Variants in FBXO17 observed in about 807,000 individuals in gnomAD.
The protein encoded by FBXO17 is F-box protein 17, also known as F-box only protein 17.
FBXO17 carries 43 observed loss-of-function variants against 34.1 expected under a neutral mutation model. That is an observed-to-expected ratio of 1.26 (90% CI 0.99 to 1.62). The LOEUF (loss-of-function observed/expected upper bound fraction) is 1.62. Ranked by LOEUF, FBXO17 falls within the 40% of genes most tolerant of loss-of-function variation. The probability of loss-of-function intolerance (pLI) is 0.00; values close to 1 mark genes in which losing one functional copy is unlikely to be tolerated. For missense variants in FBXO17, 424 were observed against 386.7 expected (o/e 1.10, Z -0.81); for synonymous variants, 169 against 166.0 (o/e 1.02, Z -0.14).
intron 5 of FBXO17, among the ~76,000 whole-genome samples, chr19:38,943,606 T>A (rs1413942078): frequency 6.6e-6 from 1 of 151,826 alleles, no homozygotes; most frequent in East Asian, 1.9e-4. Flanking sequence ...TTTATTTATT[T>A]TGAGGCCAAG....
chr19:38,946,711 T>A lies in FBXO17; in HGVS notation c.462-144A>T, dbSNP rs773970045. The A allele has an allele frequency of 4.3e-6, 5 of 1,158,292 alleles. No homozygotes were observed. In the Admixed American group the frequency reaches 1.2e-4, roughly 28 times the overall value. The allele number at this position is 1,158,292 out of a possible 1,614,324, so 71.8% of individuals were successfully genotyped here. On this transcript the variant is annotated intron_variant, in intron 3 of 5. Coordinates refer to ENST00000292852, the MANE Select transcript of FBXO17 (RefSeq NM_024907.7). The stretch of plus-strand genomic sequence containing the variant: ...TTGCTCTAGCAGACCTGAAGATGCA[T>A]GATGGGCTATACATCTCTCCTTGGC...
intron 1 of FBXO17, among the ~76,000 whole-genome samples, chr19:38,973,091 C>T (rs1224138921): frequency 2.6e-5 from 4 of 152,138 alleles, no homozygotes; most frequent in African/African-American, 9.7e-5. Context: ...TAAGGGCAAC[C>T]TGGCCAGGCG....
intron 1 of FBXO17, among the ~76,000 whole-genome samples, chr19:38,964,649 C>G (rs1194245963): frequency 6.6e-6 from 1 of 152,008 alleles, no homozygotes; most frequent in African/African-American, 2.4e-5. Flanking sequence ...CGCCTGTAGT[C>G]CCAGCTACTC....
chr19:38,970,093 C>T (rs1241523251), intron 1 of FBXO17, among the ~76,000 whole-genome samples: 1 of 151,034 alleles, frequency 6.6e-6, no homozygotes, highest in Non-Finnish European at 1.5e-5. Context: ...AGATGGACTA[C>T]TATATAGCAC....
intron 1 of FBXO17, among the ~76,000 whole-genome samples, chr19:38,974,921 T>A (rs1250656145): frequency 2.6e-5 from 4 of 152,182 alleles, no homozygotes; most frequent in Non-Finnish European, 5.9e-5. Context: ...GGAACATTTT[T>A]AAAGAAGTAT....
chr19:38,949,533 CA>C (rs1824867872), intron 2 of FBXO17, among the ~76,000 whole-genome samples: 1 of 147,240 alleles, frequency 6.8e-6, no homozygotes, highest in Non-Finnish European at 1.5e-5. Flanking sequence ...TGCACCCCAC[CA>C]TTTTTTTTTT....
At chr19:38,952,782 C>T (rs1416632382) in intron 1 of FBXO17, 1 of 458,480 alleles carries the variant, frequency 2.2e-6, no homozygotes, top group African/African-American at 2.0e-5. Flanking sequence ...CGTGGTCAAA[C>T]CCAGACCTTG....
At chr19:38,973,737 G>T (rs927995014) in intron 1 of FBXO17, among the ~76,000 whole-genome samples, 1 of 152,010 alleles carries the variant, frequency 6.6e-6, no homozygotes, top group Non-Finnish European at 1.5e-5. Flanking sequence ...CAGGACTTTT[G>T]ATGGCCAAGA....
intron 1 of FBXO17, among the ~76,000 whole-genome samples, chr19:38,960,100 A>G (rs1975226484): frequency 6.6e-6 from 1 of 152,184 alleles, no homozygotes; most frequent in Non-Finnish European, 1.5e-5. Flanking sequence ...TGTGAAAATG[A>G]TTAAGAGTTA....
intron 1 of FBXO17, among the ~76,000 whole-genome samples, chr19:38,967,718 C>T (rs1975339068): frequency 6.6e-6 from 1 of 151,960 alleles, no homozygotes; most frequent in Non-Finnish European, 1.5e-5. Flanking sequence ...ATGCACCCAC[C>T]ACCACATTCA....
chr19:38,953,904 G>A (rs1012799946), intron 1 of FBXO17, among the ~76,000 whole-genome samples: 1 of 151,540 alleles, frequency 6.6e-6, no homozygotes, highest in Non-Finnish European at 1.5e-5. Context: ...GGGGGTGGCT[G>A]TGGAAGTTCA....
In FBXO17 at chr19:38,942,416, A is replaced by G. The variant is rs2144803906; in HGVS notation, c.*192T>C. Reference sequence around the variant, plus strand: ...AGCTGGGACTACAGGCGGCACCACCATGCCTGGCTAATTTTTTAAAAATTA... The same window carrying G: ...AGCTGGGACTACAGGCGGCACCACCGTGCCTGGCTAATTTTTTAAAAATTA... On this transcript the variant is annotated 3_prime_UTR_variant, in exon 6 of 6. Transcript: ENST00000292852. 3 of 498,572 alleles carry G rather than the reference A, an allele frequency of 6.0e-6. No individual in the cohort carries two copies. Among genetic ancestry groups the G allele is most frequent in the Middle Eastern group, 5.5e-4 (1 of 1,818 alleles). 30.9% of individuals were successfully genotyped at this position (498,572 alleles called of 1,614,324 possible). A position where few individuals can be genotyped will look rare whatever the true frequency, so the allele number is the denominator to read the frequency against.
In FBXO17 at chr19:38,946,507, C is replaced by T; in HGVS notation, c.522G>A (p.Leu174=). 6.2e-7 allele frequency: 1 copy of T among 1,614,034 alleles called. No homozygotes were observed. Among genetic ancestry groups the T allele is most frequent in the Non-Finnish European group, 8.5e-7 (1 of 1,179,940 alleles). Residue 174 remains leucine (L), a synonymous_variant, in exon 4 of 6, where the codon CTG becomes CTA. Coordinates refer to ENST00000292852, the MANE Select transcript of FBXO17 (RefSeq NM_024907.7). ...LVMEGVWQEL[L]DSAQIEICVA... is the part of the protein sequence containing the mutation. ...CACAGATCTCAATCTGGGCGCTGTC[C>T]AGCAGCTCCTGCCACACCCCTTCCA...
chr19:38,944,440 C>T (rs1387398247), intron 5 of FBXO17, among the ~76,000 whole-genome samples: 2 of 151,914 alleles, frequency 1.3e-5, no homozygotes, highest in East Asian at 1.9e-4. Context: ...ATGGAGGTCT[C>T]GCTATATTGC....
chr19:38,946,090 G>A (rs978236629), intron 4 of FBXO17: 3 of 261,562 alleles, frequency 1.1e-5, no homozygotes, highest in Non-Finnish European at 2.2e-5. Flanking sequence ...TGTAGGCTCT[G>A]AAGCCAGTCC....
At chr19:38,962,906 T>A (rs1975272555) in intron 1 of FBXO17, among the ~76,000 whole-genome samples, 1 of 151,968 alleles carries the variant, frequency 6.6e-6, no homozygotes, top group Admixed American at 6.6e-5. Context: ...GGGACGGGGT[T>A]TCACCATGTT....
At chr19:38,946,605 C>A (rs774561072) in intron 3 of FBXO17, 38 bp from the exon 4 acceptor site, 42 of 1,581,100 alleles carry the variant, frequency 2.7e-5, no homozygotes, top group Non-Finnish European at 3.3e-5. Flanking sequence ...GGCAAACAGT[C>A]CTGGCATTCA....
At chr19:38,957,296 A>T (rs1975179477) in intron 1 of FBXO17, among the ~76,000 whole-genome samples, 1 of 152,078 alleles carries the variant, frequency 6.6e-6, no homozygotes, top group South Asian at 2.1e-4. Context: ...TGTGCACCAG[A>T]GTTTAGTTTC....
At chr19:38,973,175 C>T (rs1473760534) in intron 1 of FBXO17, among the ~76,000 whole-genome samples, 1 of 151,946 alleles carries the variant, frequency 6.6e-6, no homozygotes, top group African/African-American at 2.4e-5. Context: ...GAGTTCGAGA[C>T]CAGGCTGACC....
Sources: gnomAD v4.1 joint callset for allele counts (sites outside exome capture counted in the v4.1 genomes callset) on GRCh38, gnomAD v4.1.1 for gene constraint, MANE v1.5 for transcripts, NCBI Gene and HGNC (gene_info 2026-07-23, HGNC 2026-07-21) for gene names.